INPP4B: variants seen among roughly 807,000 people sequenced by gnomAD.
INPP4B encodes the protein inositol polyphosphate-4-phosphatase type II B, also known as inositol polyphosphate 4-phosphatase type II.
In INPP4B, 55 loss-of-function variants were observed where a neutral mutation model predicts 122.5. The observed-to-expected ratio is 0.45, with a 90% CI of 0.36 to 0.56. The LOEUF is 0.56. Ranked by LOEUF, INPP4B falls within the 20% of genes least tolerant of loss-of-function variation. INPP4B has a pLI of 0.00. For missense variants in INPP4B, 1,000 were observed against 1,097.7 expected, an observed-to-expected ratio of 0.91 and a Z score of 1.26; for synonymous variants, 403 against 388.7, an observed-to-expected ratio of 1.04 and a Z score of -0.43.
intron 21 of INPP4B, among the ~76,000 whole-genome samples, chr4:142,116,746 A>G (rs1187980552): frequency 1.3e-5 from 2 of 152,188 alleles, no homozygotes; most frequent in African/African-American, 4.8e-5. Context: ...ATCACAATTA[A>G]AAGAACTTGA....
chr4:142,221,478 C>G (rs931885803), intron 12 of INPP4B, among the ~76,000 whole-genome samples: 1 of 151,280 alleles, frequency 6.6e-6, no homozygotes. Context: ...CTTGACATTA[C>G]CAATCTGAGG....
intron 2 of INPP4B, among the ~76,000 whole-genome samples, chr4:142,523,791 A>G (rs935829426): frequency 5.1e-5 from 7 of 138,290 alleles, no homozygotes; most frequent in Non-Finnish European, 9.4e-5. Flanking sequence ...ATATCTCCCA[A>G]TGCTATCCCT....
chr4:142,753,178 A>G (rs1425085430), intron 1 of INPP4B, among the ~76,000 whole-genome samples: 1 of 152,102 alleles, frequency 6.6e-6, no homozygotes, highest in African/African-American at 2.4e-5. Context: ...TCTTACACCA[A>G]CCAGATTTGG....
At chr4:142,448,612 A>G (rs1813460824) in intron 3 of INPP4B, among the ~76,000 whole-genome samples, 1 of 152,166 alleles carries the variant, frequency 6.6e-6, no homozygotes, top group African/African-American at 2.4e-5. Context: ...TGTCAAGAAA[A>G]GGTAAAACCA....
At chr4:142,539,926 CTG>C (rs1828739249) in intron 2 of INPP4B, among the ~76,000 whole-genome samples, 1 of 151,840 alleles carries the variant, frequency 6.6e-6, no homozygotes, top group South Asian at 2.1e-4. Flanking sequence ...CAGGAGGAAA[CTG>C]AATATGAAAA....
intron 2 of INPP4B, chr4:142,496,912 CTT>C (rs1822646541): frequency 6.6e-6 from 1 of 150,416 alleles, no homozygotes; most frequent in Non-Finnish European, 1.5e-5. Context: ...CACTCACACT[CTT>C]TGAGGAGACA....
intron 2 of INPP4B, among the ~76,000 whole-genome samples, chr4:142,707,025 GA>G (rs1224639306): frequency 6.6e-6 from 1 of 152,172 alleles, no homozygotes; most frequent in African/African-American, 2.4e-5. Context: ...CAATGAGAAA[GA>G]AGACAGAATT....
intron 11 of INPP4B, among the ~76,000 whole-genome samples, chr4:142,251,906 C>A (rs1176481048): frequency 6.6e-6 from 1 of 152,190 alleles, no homozygotes; most frequent in African/African-American, 2.4e-5. Context: ...AAATGTACAA[C>A]ATGGCAGGGC....
intron 5 of INPP4B, among the ~76,000 whole-genome samples, chr4:142,416,452 T>G (rs1327071296): frequency 2.6e-5 from 4 of 152,134 alleles, no homozygotes; most frequent in Non-Finnish European, 5.9e-5. Context: ...ATGTCTAAAT[T>G]AAGGTTAAAA....
At chr4:142,545,773 A>G (rs940253195) in intron 2 of INPP4B, among the ~76,000 whole-genome samples, 1 of 117,136 alleles carries the variant, frequency 8.5e-6, no homozygotes, top group Non-Finnish European at 1.9e-5. Context: ...ATGTGTGTAT[A>G]TATATACACA....
At chr4:142,059,367 TATTTCTGTTTCCAAAAGCAGAA>T (rs922422885) in intron 25 of INPP4B, among the ~76,000 whole-genome samples, 1 of 152,124 alleles carries the variant, frequency 6.6e-6, no homozygotes, top group Non-Finnish European at 1.5e-5. Flanking sequence ...ATCACTCCCT[TATTTCTGTTTCCAAAAGCAGAA>T]ATTCTGTTTC....
chr4:142,384,557 C>T (rs535682177), intron 7 of INPP4B, among the ~76,000 whole-genome samples: 1 of 152,122 alleles, frequency 6.6e-6, no homozygotes, highest in Non-Finnish European at 1.5e-5. Flanking sequence ...ACTTACAGTA[C>T]TAGAGTCTTA....
intron 2 of INPP4B, among the ~76,000 whole-genome samples, chr4:142,475,924 AG>A (rs1819713040): frequency 1.3e-5 from 2 of 152,320 alleles, no homozygotes; most frequent in Non-Finnish European, 1.5e-5. Context: ...AAAACATTTG[AG>A]GATATCATTC....
At chr4:142,397,558 G>A (rs1325681021) in intron 7 of INPP4B, among the ~76,000 whole-genome samples, 1 of 152,074 alleles carries the variant, frequency 6.6e-6, no homozygotes, top group Non-Finnish European at 1.5e-5. Flanking sequence ...AGAAACATGC[G>A]GCCGGGTGTG....
At chr4:142,785,355 T>C (rs1382391720) in intron 1 of INPP4B, among the ~76,000 whole-genome samples, 1 of 151,930 alleles carries the variant, frequency 6.6e-6, no homozygotes, top group Non-Finnish European at 1.5e-5. Flanking sequence ...TGACATGAGA[T>C]TCAGATAAAA....
At chr4:142,057,132 A>ACATTGGGAG (rs55973191) in intron 25 of INPP4B, among the ~76,000 whole-genome samples, 123,497 of 151,758 alleles carry the variant, frequency 0.81, 52,401 homozygotes, top group Non-Finnish European at 0.92. Context: ...GGAAGTAATT[A>ACATTGGGAG]CATTGGGAGA....
At position 142,628,069 on chromosome 4, in the gene INPP4B, C is replaced by T. The variant is rs191420338; in HGVS notation, c.-191+97770G>A. Among the ~76,000 whole-genome samples, 582 of 151,672 alleles carry T rather than the reference C, an allele frequency of 3.8e-3. 7 individuals are homozygous for T. The highest frequency in any genetic ancestry group is 7.3e-3 in the South Asian group (35 of 4,782). On this transcript the variant is annotated intron_variant, in intron 2 of 25. Transcript: ENST00000262992. The stretch of plus-strand genomic sequence containing the variant: ...AGCCATCCCATTACTGGGTATATAC[C>T]CAAAGGACTATAAATCATGCTGCTA...
chr4:142,028,011 T>G lies in INPP4B; in HGVS notation c.*771A>C, dbSNP rs1310425860. 4.9e-6 allele frequency: 1 copy of G among 204,956 alleles called. No homozygotes were observed. The highest frequency in any genetic ancestry group is 2.3e-5 in the African/African-American group (1 of 43,798). 12.7% of individuals were successfully genotyped at this position (204,956 alleles called of 1,614,324 possible). On this transcript the variant is annotated 3_prime_UTR_variant, in exon 26 of 26. Transcript: ENST00000262992. ...ATTTTCATTTTGGGTATCAAAATGT[T>G]GTTCATTTTTATTTTATTTGTAATT...
rs144886652 is a variant in INPP4B at position 142,775,907 on chromosome 4, T to C, written c.-253-50006A>G. Reference sequence around the variant, plus strand: ...ATTTGGTAAGAGTTTTTATGATAAATGAGTATTTGATTTTGTCAAATGCTT... The same window carrying C: ...ATTTGGTAAGAGTTTTTATGATAAACGAGTATTTGATTTTGTCAAATGCTT... On this transcript the variant is annotated intron_variant, in intron 1 of 25. Coordinates refer to ENST00000262992, the MANE Select transcript of INPP4B (RefSeq NM_001101669.3). Among the ~76,000 whole-genome samples the C allele has an allele frequency of 2.4e-3, 372 of 152,300 alleles. 5 individuals are homozygous for C. The highest frequency in any genetic ancestry group is 0.018 in the East Asian group (95 of 5,184).
Sources: allele counts gnomAD v4.1 joint callset (sites outside exome capture counted in the v4.1 genomes callset), GRCh38; gene constraint gnomAD v4.1.1; transcripts MANE v1.5; gene names NCBI Gene and HGNC (gene_info 2026-07-23, HGNC 2026-07-21).